The following BACE2 variants were observed in gnomAD, a reference collection of about 807,000 sequenced individuals.
BACE2 encodes the protein 56 kDa aspartic-like protease.
BACE2 carries 17 observed loss-of-function variants against 46.2 expected under a neutral mutation model. The ratio of observed to expected loss-of-function variants is 0.37; its 90% CI spans 0.25 to 0.55. The LOEUF is 0.55. Ranked by LOEUF, BACE2 falls within the 20% of genes least tolerant of loss-of-function variation. BACE2 has a pLI of 0.82. For synonymous variants in BACE2, 277 were observed against 295.9 expected (o/e 0.94, Z 0.66); for missense variants, 595 against 698.1 (o/e 0.85, Z 1.66).
At chr21:41,243,347 C>T (rs886727106) in intron 4 of BACE2, 29 bp from the exon 5 acceptor site, 1 of 1,556,236 alleles carries the variant, frequency 6.4e-7, no homozygotes, top group Non-Finnish European at 8.7e-7. Flanking sequence ...TATTTTTTCT[C>T]TTATACCTGT....
intron 7 of BACE2, among the ~76,000 whole-genome samples, chr21:41,255,119 G>C (rs1987744414): frequency 6.6e-6 from 1 of 152,252 alleles, no homozygotes; most frequent in African/African-American, 2.4e-5. Context: ...GGTGAATCAT[G>C]AATTTACTGA....
At chr21:41,236,314 G>T (rs966416707) in intron 2 of BACE2, among the ~76,000 whole-genome samples, 1 of 152,152 alleles carries the variant, frequency 6.6e-6, no homozygotes, top group African/African-American at 2.4e-5. Flanking sequence ...AACATGGTTG[G>T]ATCCAAGAGT....
rs775762607 is a variant in BACE2, at chr21:41,275,586, A to G, written c.1519A>G (p.Asn507Asp). Reference sequence around the variant, plus strand: ...TCGCCCCCGTGACCCTGAGGTCGTCAATGATGAGTCCTCTCTGGTCAGACA... The same window carrying G: ...TCGCCCCCGTGACCCTGAGGTCGTCGATGATGAGTCCTCTCTGGTCAGACA... ...QRRPRDPEVV[N>D]DESSLVRHRW... Residue 507 changes from asparagine to aspartate, a missense_variant, in exon 9 of 9, where the codon AAT (asparagine) becomes GAT (aspartate). Around this residue, in one of 3 missense-constraint regions of BACE2, gnomAD observed 343 missense variants for 419.4 expected, o/e 0.82. Coordinates refer to ENST00000330333, the MANE Select transcript of BACE2 (RefSeq NM_012105.5). 1 of 1,614,024 alleles carries G rather than the reference A, an allele frequency of 6.2e-7. No homozygotes were observed. Among genetic ancestry groups the G allele is most frequent in the South Asian group, 1.1e-5 (1 of 91,068 alleles).
chr21:41,224,333 G>C (rs1353945942), intron 1 of BACE2, among the ~76,000 whole-genome samples: 1 of 147,846 alleles, frequency 6.8e-6, no homozygotes, highest in African/African-American at 2.5e-5. Context: ...TCCTGCCTCA[G>C]CCTCCCAAGT....
chr21:41,254,459 G>T (rs1173725280), intron 7 of BACE2, among the ~76,000 whole-genome samples: 1 of 152,166 alleles, frequency 6.6e-6, no homozygotes, highest in African/African-American at 2.4e-5. Flanking sequence ...TTTCATCCAA[G>T]TCTTTCTTCC....
At chr21:41,274,284 A>T (rs994882623) in intron 8 of BACE2, among the ~76,000 whole-genome samples, 1 of 152,190 alleles carries the variant, frequency 6.6e-6, no homozygotes, top group African/African-American at 2.4e-5. Context: ...TTGCAAAGTA[A>T]TCAAGCCTGT....
chr21:41,226,713 G>A (rs1467214977), intron 2 of BACE2, among the ~76,000 whole-genome samples: 1 of 152,192 alleles, frequency 6.6e-6, no homozygotes, highest in African/African-American at 2.4e-5. Flanking sequence ...AGCAGGGGAC[G>A]AGGTCTTGGG....
chr21:41,199,659 T>C (rs755268229), intron 1 of BACE2, among the ~76,000 whole-genome samples: 2 of 152,158 alleles, frequency 1.3e-5, no homozygotes, highest in Admixed American at 6.5e-5. Context: ...AGCCAGTGCA[T>C]GGATCCCACT....
At chr21:41,192,459 T>G (rs1301990042) in intron 1 of BACE2, among the ~76,000 whole-genome samples, 1 of 152,234 alleles carries the variant, frequency 6.6e-6, no homozygotes, top group Non-Finnish European at 1.5e-5. Flanking sequence ...AGTACCCAGT[T>G]CATGATAGTT....
intron 3 of BACE2, among the ~76,000 whole-genome samples, chr21:41,238,149 C>G (rs1987178771): frequency 6.6e-6 from 1 of 152,114 alleles, no homozygotes; most frequent in Non-Finnish European, 1.5e-5. Flanking sequence ...CTCCGCCAGG[C>G]TGGGACGTGG....
intron 1 of BACE2, 135 bp downstream of exon 1, chr21:41,168,710 A>G: frequency 7.1e-5 from 19 of 266,390 alleles, no homozygotes; most frequent in South Asian, 1.6e-4. Flanking sequence ...GGGAACGCAG[A>G]GGGGCTCGGG....
intron 8 of BACE2, among the ~76,000 whole-genome samples, chr21:41,271,802 A>G (rs4818227): frequency 0.68 from 103,355 of 152,058 alleles, 35,973 homozygotes; most frequent in East Asian, 0.99. Context: ...CATTTTACCT[A>G]TGCCTATATT....
At chr21:41,218,603 A>G (rs769291808) in intron 1 of BACE2, among the ~76,000 whole-genome samples, 8 of 152,152 alleles carry the variant, frequency 5.3e-5, no homozygotes, top group Non-Finnish European at 8.8e-5. Flanking sequence ...AAATATATAA[A>G]CAACAGTGTA....
intron 7 of BACE2, among the ~76,000 whole-genome samples, chr21:41,251,188 G>A (rs1987626340): frequency 6.6e-6 from 1 of 152,174 alleles, no homozygotes; most frequent in Admixed American, 6.5e-5. Context: ...CGAGGTGGAT[G>A]GAGGAACAGA....
At chr21:41,206,086 G>A (rs1986113200) in intron 1 of BACE2, among the ~76,000 whole-genome samples, 1 of 152,168 alleles carries the variant, frequency 6.6e-6, no homozygotes, top group African/African-American at 2.4e-5. Context: ...TTATGTTTTA[G>A]TTTGGGCTGC....
chr21:41,177,765 C>G (rs1984912978), intron 1 of BACE2: 2 of 152,230 alleles, frequency 1.3e-5, no homozygotes, highest in South Asian at 4.1e-4. Flanking sequence ...AACGGAACAG[C>G]AACAACAGAA....
intron 8 of BACE2, among the ~76,000 whole-genome samples, chr21:41,275,039 G>T (rs1415139411): frequency 6.6e-6 from 1 of 152,168 alleles, no homozygotes; most frequent in Non-Finnish European, 1.5e-5. Context: ...ACCAGGTGCT[G>T]ACCTGCACTC....
At chr21:41,273,249 T>C (rs1415848717) in intron 8 of BACE2, among the ~76,000 whole-genome samples, 1 of 152,228 alleles carries the variant, frequency 6.6e-6, no homozygotes, top group East Asian at 1.9e-4. Context: ...TTGTCATTGA[T>C]AACATCTTAT....
intron 8 of BACE2, among the ~76,000 whole-genome samples, chr21:41,260,605 G>T (rs1987910599): frequency 6.6e-6 from 1 of 152,162 alleles, no homozygotes; most frequent in South Asian, 2.1e-4. Context: ...TCACCATTTG[G>T]ACCTCACTCC....
Sources: allele counts gnomAD v4.1 joint callset (sites outside exome capture counted in the v4.1 genomes callset), GRCh38; gene constraint gnomAD v4.1.1; regional missense constraint gnomAD v4.1.1; transcripts MANE v1.5; gene names NCBI Gene and HGNC (gene_info 2026-07-23, HGNC 2026-07-21).